The following SLCO6A1 variants were observed in gnomAD, a reference collection of about 807,000 sequenced individuals.
The protein encoded by SLCO6A1 is cancer/testis antigen 48.
SLCO6A1 carries 65 observed loss-of-function variants against 72.7 expected under a neutral mutation model. That is an observed-to-expected ratio of 0.89 (90% CI 0.73 to 1.10). The LOEUF is 1.10. Ranked by LOEUF, SLCO6A1 falls within the 50% of genes least tolerant of loss-of-function variation. The pLI is 0.00. For synonymous variants in SLCO6A1, 314 were observed against 298.2 expected (o/e 1.05, Z -0.55); for missense variants, 874 against 872.6 (o/e 1.00, Z -0.02).
intron 1 of SLCO6A1, among the ~76,000 whole-genome samples, chr5:102,490,578 G>A (rs1477681962): frequency 6.6e-6 from 1 of 152,188 alleles, no homozygotes; most frequent in African/African-American, 2.4e-5. Context: ...CTCACGGTGA[G>A]TGTTACAGTT....
intron 8 of SLCO6A1, 99 bp from the exon 9 acceptor site, chr5:102,413,242 AAAT>A: frequency 8.3e-7 from 1 of 1,206,708 alleles, no homozygotes; most frequent in East Asian, 2.8e-5. Context: ...ATGCTTATTG[AAAT>A]AATTTCTTTT....
chr5:102,423,634 A>G (rs1011372781), intron 7 of SLCO6A1, among the ~76,000 whole-genome samples: 3 of 152,212 alleles, frequency 2.0e-5, no homozygotes, highest in African/African-American at 7.2e-5. Context: ...AAGTTCTTAG[A>G]AACCTACAAA....
chr5:102,492,270 A>G (rs1211512291), intron 1 of SLCO6A1, among the ~76,000 whole-genome samples: 7 of 152,224 alleles, frequency 4.6e-5, no homozygotes, highest in Admixed American at 3.9e-4. Context: ...AAGTAATGTA[A>G]GGAGAGAGAT....
chr5:102,400,519 T>C (rs898982554), intron 9 of SLCO6A1, among the ~76,000 whole-genome samples: 6 of 151,992 alleles, frequency 3.9e-5, no homozygotes, highest in Non-Finnish European at 4.4e-5. Flanking sequence ...GGTTGTAGGG[T>C]GGATAATTTA....
intron 9 of SLCO6A1, among the ~76,000 whole-genome samples, chr5:102,407,276 T>C (rs968677065): frequency 3.9e-5 from 6 of 152,162 alleles, no homozygotes; most frequent in African/African-American, 1.4e-4. Flanking sequence ...AATTTCTGCA[T>C]AATCTGTCCC....
Position 102,373,416 on chromosome 5 carries a change from G to C in SLCO6A1, c.2096C>G (p.Thr699Ser), listed in dbSNP as rs1378268044. The change falls in exon 13 of 14, where the codon ACT becomes AGT. Residue 699 changes from threonine (T) to serine (S), a missense_variant. By Grantham distance (58) the Thr-to-Ser change is moderately conservative. Transcript: ENST00000506729. ...FIYKRRLNEN[T>S]DFPDVTVKNP... is the part of the protein sequence containing the mutation. ...CTTCACAGTTACATCTGGGAAGTCAGTGTTCTCATTTAGACGACGTTTGTA... is the reference window on the plus strand; with the variant it reads ...CTTCACAGTTACATCTGGGAAGTCACTGTTCTCATTTAGACGACGTTTGTA... The C allele has an allele frequency of 3.8e-6, 6 of 1,582,706 alleles. No individual in the cohort carries two copies. The highest frequency in any genetic ancestry group is 2.3e-5 in the East Asian group (1 of 43,434).
At chr5:102,487,059 T>C (rs1317551139) in intron 1 of SLCO6A1, among the ~76,000 whole-genome samples, 3 of 152,220 alleles carry the variant, frequency 2.0e-5, no homozygotes, top group Non-Finnish European at 4.4e-5. Context: ...ACAGCTATTA[T>C]TTTAATTTTC....
intron 8 of SLCO6A1, among the ~76,000 whole-genome samples, chr5:102,417,703 T>C (rs7712419): frequency 0.011 from 1,609 of 152,338 alleles, 25 homozygotes; most frequent in African/African-American, 0.037. Context: ...TCTTCTTTCC[T>C]TTATGTAGAT....
At chr5:102,390,323 C>T (rs940231999) in intron 11 of SLCO6A1, among the ~76,000 whole-genome samples, 3 of 152,060 alleles carry the variant, frequency 2.0e-5, no homozygotes, top group Non-Finnish European at 4.4e-5. Context: ...TAATTTTTCC[C>T]AGTTAAAAAG....
At chr5:102,445,535 T>A (rs1461732161) in intron 6 of SLCO6A1, among the ~76,000 whole-genome samples, 2 of 152,226 alleles carry the variant, frequency 1.3e-5, no homozygotes, top group Non-Finnish European at 2.9e-5. Context: ...GTCTGTGTAC[T>A]CTGTTGATAG....
At chr5:102,379,866 T>A (rs1380258215) in intron 12 of SLCO6A1, among the ~76,000 whole-genome samples, 1 of 152,010 alleles carries the variant, frequency 6.6e-6, no homozygotes, top group Non-Finnish European at 1.5e-5. Context: ...TGTTCTTATC[T>A]GTGAACTTTT....
intron 6 of SLCO6A1, among the ~76,000 whole-genome samples, chr5:102,452,774 T>A (rs982864137): frequency 6.6e-6 from 1 of 152,184 alleles, no homozygotes; most frequent in East Asian, 1.9e-4. Flanking sequence ...TTAAAATCTA[T>A]GCCTAGACAC....
chr5:102,410,791 C>T lies in SLCO6A1; in HGVS notation c.1626+2199G>A, dbSNP rs146989975. On this transcript the variant is annotated intron_variant, in intron 9 of 13. Transcript: ENST00000506729. Reference sequence around the variant, plus strand: ...AGGACAAACAGAAATAACATATATTCGAGTCACATGTGTTATTGCCCCATG... The same window carrying T: ...AGGACAAACAGAAATAACATATATTTGAGTCACATGTGTTATTGCCCCATG... Among the ~76,000 whole-genome samples the T allele has an allele frequency of 5.3e-3, 813 of 152,216 alleles. 7 individuals carry two copies. The highest frequency in any genetic ancestry group is 9.7e-3 in the Non-Finnish European group (662 of 68,014).
At chr5:102,407,586 G>C (rs1230195022) in intron 9 of SLCO6A1, among the ~76,000 whole-genome samples, 1 of 152,172 alleles carries the variant, frequency 6.6e-6, no homozygotes, top group Non-Finnish European at 1.5e-5. Flanking sequence ...CTTTAAGAAA[G>C]AAAGGCTATC....
intron 12 of SLCO6A1, among the ~76,000 whole-genome samples, chr5:102,377,845 C>T (rs1745889642): frequency 6.7e-6 from 1 of 150,066 alleles, no homozygotes; most frequent in Non-Finnish European, 1.5e-5. Flanking sequence ...CTAATTTTTG[C>T]ATATTTTTTG....
intron 1 of SLCO6A1, among the ~76,000 whole-genome samples, chr5:102,482,552 T>C (rs1018130865): frequency 1.3e-5 from 2 of 152,200 alleles, no homozygotes; most frequent in African/African-American, 2.4e-5. Flanking sequence ...GGTTGAATGT[T>C]GTCTACTACC....
rs116440452 is a variant in SLCO6A1, at chr5:102,417,408, G to C, written c.1472+2418C>G. Among the ~76,000 whole-genome samples the C allele has an allele frequency of 4.7e-3, 703 of 149,804 alleles. 3 individuals carry two copies. Among genetic ancestry groups the C allele is most frequent in the African/African-American group, 0.017 (674 of 40,768 alleles). ...CTTCCCATTTGTCCTATCTCTTTTTGTTCACTTTTTCCTTTTTTTCTGCCT... is the reference window on the plus strand; with the variant it reads ...CTTCCCATTTGTCCTATCTCTTTTTCTTCACTTTTTCCTTTTTTTCTGCCT... On this transcript the variant is annotated intron_variant, in intron 8 of 13. Transcript: ENST00000506729.
At chr5:102,408,912 A>T (rs937228827) in intron 9 of SLCO6A1, among the ~76,000 whole-genome samples, 8 of 152,268 alleles carry the variant, frequency 5.3e-5, no homozygotes, top group African/African-American at 1.9e-4. Context: ...TATAATCCTT[A>T]ATCCTTTGGA....
intron 10 of SLCO6A1, among the ~76,000 whole-genome samples, chr5:102,397,929 C>G (rs1747186826): frequency 6.6e-6 from 1 of 152,094 alleles, no homozygotes; most frequent in African/African-American, 2.4e-5. Flanking sequence ...AAGTGAGATT[C>G]AGAACTAAAC....
Sources: gnomAD v4.1 joint callset for allele counts (sites outside exome capture counted in the v4.1 genomes callset) on GRCh38, gnomAD v4.1.1 for gene constraint, MANE v1.5 for transcripts, NCBI Gene and HGNC (gene_info 2026-07-23, HGNC 2026-07-21) for gene names.